Variants in ZBTB24 observed in about 807,000 individuals in gnomAD.
The protein encoded by ZBTB24 is zinc finger and BTB domain-containing protein 24.
Under a neutral mutation model 53.8 loss-of-function variants are expected in ZBTB24, and 32 were observed. The observed-to-expected ratio is 0.60, with a 90% CI of 0.45 to 0.80. The LOEUF is 0.80. Ranked by LOEUF, ZBTB24 falls within the 30% of genes least tolerant of loss-of-function variation. The pLI is 0.00. For missense variants in ZBTB24, 722 were observed against 837.1 expected, an observed-to-expected ratio of 0.86 and a Z score of 1.70; for synonymous variants, 297 against 306.7, an observed-to-expected ratio of 0.97 and a Z score of 0.33.
intron 5 of ZBTB24, 76 bp downstream of exon 5, chr6:109,475,323 G>A: frequency 1.3e-6 from 2 of 1,517,302 alleles, no homozygotes; most frequent in Non-Finnish European, 9.2e-7. Context: ...GCTTAGCAGG[G>A]CACTCAGAGA....
intron 2 of ZBTB24, among the ~76,000 whole-genome samples, chr6:109,479,912 T>C (rs1776362632): frequency 1.5e-5 from 1 of 65,602 alleles, no homozygotes; most frequent in African/African-American, 7.0e-5. Context: ...CGAGAATCCA[T>C]CTCAAAAAAA....
At chr6:109,470,088 C>T (rs6900926) in intron 5 of ZBTB24, among the ~76,000 whole-genome samples, 3,114 of 152,174 alleles carry the variant, frequency 0.02, 98 homozygotes, top group African/African-American at 0.072. Flanking sequence ...AAGGCCTGGA[C>T]CAGGAGGTGG....
intron 2 of ZBTB24, among the ~76,000 whole-genome samples, chr6:109,478,107 C>G: frequency 6.6e-6 from 1 of 152,078 alleles, no homozygotes; most frequent in East Asian, 1.9e-4. Flanking sequence ...CTTAACAGGG[C>G]CCACTTAGGA....
Position 109,468,483 on chromosome 6 carries a change from C to G in ZBTB24, c.1289-749G>C, listed in dbSNP as rs200703692. On this transcript the variant is annotated intron_variant, in intron 5 of 6. Coordinates refer to ENST00000230122, the MANE Select transcript of ZBTB24 (RefSeq NM_014797.3). Reference sequence around the variant, plus strand: ...GGTGTCTCCCAGCATGGTTCACTCTCCTCATCTCCTTCAAGTCTCTGTTCA... The same window carrying G: ...GGTGTCTCCCAGCATGGTTCACTCTGCTCATCTCCTTCAAGTCTCTGTTCA... Among the ~76,000 whole-genome samples the G allele has an allele frequency of 7.9e-5, 12 of 151,960 alleles. No homozygotes were observed. The East Asian group carries it at 2.3e-3, about 29-fold the overall frequency.
rs540553715 is a variant in ZBTB24 at position 109,481,243 on chromosome 6, C to T, written c.784G>A (p.Val262Ile). 65 of 1,614,220 alleles carry T rather than the reference C, an allele frequency of 4.0e-5. No homozygotes were observed. Among genetic ancestry groups the T allele is most frequent in the South Asian group, 1.8e-4 (16 of 91,084 alleles). Residue 262 changes from valine (V) to isoleucine (I), a missense_variant, in exon 2 of 7, where the codon GTC becomes ATC. Val to Ile is a conservative substitution (Grantham distance 29). Transcript: ENST00000230122. ...ACAAGTTTGTAATCTTTAAGTTTGACGGATCTCCAAATCCTCCGCTTGCTG... is the reference window on the plus strand; with the variant it reads ...ACAAGTTTGTAATCTTTAAGTTTGATGGATCTCCAAATCCTCCGCTTGCTG... ...RYSKRRIWRS[V>I]KLKDYKLVGD...
At position 109,464,476 on chromosome 6, in the gene ZBTB24, T is replaced by A. The variant is rs981570724; in HGVS notation, c.*1375A>T. The A allele has an allele frequency of 2.6e-5, 4 of 152,188 alleles. No homozygotes were observed. Among genetic ancestry groups the A allele is most frequent in the African/African-American group, 9.7e-5 (4 of 41,444 alleles). 9.4% of individuals were successfully genotyped at this position (152,188 alleles called of 1,614,324 possible). A position where few individuals can be genotyped will look rare whatever the true frequency, so the allele number is the denominator to read the frequency against. ...AATTTAGATATACTAGTGCCCACCT[T>A]CTTTTCTCAAAAATCCCCTACCAGC... On this transcript the variant is annotated 3_prime_UTR_variant, in exon 7 of 7. Transcript: ENST00000230122.
At chr6:109,467,477 G>A (rs751189517) in intron 6 of ZBTB24, 176 bp downstream of exon 6, 5 of 959,996 alleles carry the variant, frequency 5.2e-6, no homozygotes, top group African/African-American at 1.8e-5. Flanking sequence ...CAGCCTGGGC[G>A]ACAGTGAGAC....
At position 109,481,975 on chromosome 6, in the gene ZBTB24, C is replaced by G; in HGVS notation, c.52G>C (p.Ala18Pro). 6.2e-7 allele frequency: 1 copy of G among 1,614,152 alleles called. No individual in the cohort carries two copies. The highest frequency in any genetic ancestry group is 1.1e-5 in the South Asian group (1 of 91,080). The change falls in exon 2 of 7, where the codon GCT (alanine) becomes CCT (proline). Residue 18 changes from alanine (A) to proline (P), a missense_variant. Transcript: ENST00000230122. ...CTGGCCAGCACAGTGTCACTGTGAG[C>G]GTCTGAGTGTACAACAAGCTGCCCA... ...PSGQLVVHSDAHSDTVLASFE... is the reference protein window; with the variant it reads ...PSGQLVVHSDPHSDTVLASFE...
At chr6:109,471,931 T>C (rs889312577) in intron 5 of ZBTB24, among the ~76,000 whole-genome samples, 2 of 152,160 alleles carry the variant, frequency 1.3e-5, no homozygotes, top group African/African-American at 4.8e-5. Context: ...CCTGACACTT[T>C]GCCTCCATGT....
chr6:109,480,074 C>T (rs1008341771), intron 2 of ZBTB24, among the ~76,000 whole-genome samples: 66 of 152,246 alleles, frequency 4.3e-4, no homozygotes, highest in African/African-American at 1.5e-3. Flanking sequence ...ACCAAGGCTC[C>T]AGACAACTAA....
In ZBTB24 at chr6:109,466,095, A is replaced by C; in HGVS notation, c.1850T>G (p.Ile617Ser). 6.2e-7 allele frequency: 1 copy of C among 1,614,184 alleles called. No individual in the cohort carries two copies. ...LSAQQEQTEH[I>S]QSLNMIESQM... ...GCTTTCAATCATATTGAGGCTCTGA[A>C]TGTGTTCTGTTTGCTCCTGTTGAGC... The change falls in exon 7 of 7, where the codon ATT (isoleucine) becomes AGT (serine). Residue 617 changes from isoleucine to serine, a missense_variant. Ile to Ser is a moderately radical substitution (Grantham distance 142). Coordinates refer to ENST00000230122, the MANE Select transcript of ZBTB24 (RefSeq NM_014797.3).
At position 109,466,312 on chromosome 6, in the gene ZBTB24, A is replaced by G. The variant is rs1474581238; in HGVS notation, c.1633T>C (p.Ser545Pro). ...NILQLQPYQL[S>P]TSGEQEIQLL... ...TGAATTTCCTGCTCTCCCGAGGTAG[A>G]GAGTTGATATGGCTGTAGCTGAAGA... The change falls in exon 7 of 7, where the codon TCT becomes CCT. Residue 545 changes from serine (S) to proline (P), a missense_variant. Coordinates refer to ENST00000230122, the MANE Select transcript of ZBTB24 (RefSeq NM_014797.3). The G allele has an allele frequency of 1.2e-6, 2 of 1,614,088 alleles. No individual in the cohort carries two copies. The highest frequency in any genetic ancestry group is 2.7e-5 in the African/African-American group (2 of 74,924).
chr6:109,482,255 G>A (rs1776436444), intron 1 of ZBTB24, among the ~76,000 whole-genome samples: 1 of 152,102 alleles, frequency 6.6e-6, no homozygotes, highest in South Asian at 2.1e-4. Context: ...CGAGGCCGAC[G>A]GATCACTTGA....
In ZBTB24 at chr6:109,463,803, TTAAA is replaced by T. The variant is rs1464439753; in HGVS notation, c.*2044_*2047del. 1 of 152,250 alleles carries T rather than the reference TTAAA, an allele frequency of 6.6e-6. No individual in the cohort carries two copies. Among genetic ancestry groups the T allele is most frequent in the Non-Finnish European group, 1.5e-5 (1 of 68,040 alleles). The allele number at this position is 152,250 out of a possible 1,614,324, so 9.4% of individuals were successfully genotyped here. A position where few individuals can be genotyped will look rare whatever the true frequency, so the allele number is the denominator to read the frequency against. ...GTTGAAATATTTGGCAAATGTTGGA[TTAAA>T]TAAACTTTTATTAACATTTTCACCT... is the stretch of plus-strand genomic sequence containing the variant. On this transcript the variant is annotated 3_prime_UTR_variant, in exon 7 of 7. Transcript: ENST00000230122.
intron 5 of ZBTB24, among the ~76,000 whole-genome samples, chr6:109,474,927 CAGCTACCCAG>C (rs764181083): frequency 1.7e-4 from 25 of 151,234 alleles, no homozygotes; most frequent in Non-Finnish European, 3.4e-4. Context: ...CCTGTGGTCC[CAGCTACCCAG>C]GAGGCTGAGG....
Position 109,465,839 on chromosome 6 carries a change from C to T in ZBTB24, c.*12G>A, listed in dbSNP as rs1299922393. On this transcript the variant is annotated 3_prime_UTR_variant, in exon 7 of 7. Transcript: ENST00000230122. ...AGAAGAGCCCAATCAAGCAGTCAAA[C>T]GTGTTTACAGGTCAGCTCTGCTCCT... The T allele has an allele frequency of 6.2e-6, 10 of 1,614,046 alleles. No homozygotes were observed. Among genetic ancestry groups the T allele is most frequent in the African/African-American group, 1.3e-5 (1 of 74,922 alleles).
rs1329909423 is a variant in ZBTB24 at position 109,476,224 on chromosome 6, T to C, written c.1155A>G (p.Lys385=). Residue 385 remains lysine (K), a synonymous_variant, in exon 4 of 7, where the codon AAA becomes AAG. Transcript: ENST00000230122. ...TTAGCTGTCTGTTCTGGCTGAAATATTTTCCGCATTGATCACAGGTAAAAG... is the reference window on the plus strand; with the variant it reads ...TTAGCTGTCTGTTCTGGCTGAAATACTTTCCGCATTGATCACAGGTAAAAG... ...QKSFTCDQCG[K]YFSQNRQLKS... 4 of 1,614,132 alleles carry C rather than the reference T, an allele frequency of 2.5e-6. No homozygotes were observed. The highest frequency in any genetic ancestry group is 8.5e-7 in the Non-Finnish European group (1 of 1,180,026).
At chr6:109,468,082 G>A (rs1170637890) in intron 5 of ZBTB24, among the ~76,000 whole-genome samples, 1 of 152,032 alleles carries the variant, frequency 6.6e-6, no homozygotes, top group Non-Finnish European at 1.5e-5. Flanking sequence ...GCTTGGCTAG[G>A]TAGCCCACTT....
chr6:109,479,535 T>C (rs1483974923), intron 2 of ZBTB24, among the ~76,000 whole-genome samples: 2 of 152,238 alleles, frequency 1.3e-5, no homozygotes, highest in Non-Finnish European at 2.9e-5. Flanking sequence ...CTGTCTGTAC[T>C]GAGGACATAA....
Sources: allele counts gnomAD v4.1 joint callset (sites outside exome capture counted in the v4.1 genomes callset), GRCh38; gene constraint gnomAD v4.1.1; transcripts MANE v1.5; gene names NCBI Gene and HGNC (gene_info 2026-07-23, HGNC 2026-07-21).